The following MAPT variants were observed in gnomAD, a reference collection of about 807,000 sequenced individuals.
MAPT encodes the protein microtubule associated protein tau, also known as microtubule-associated protein tau.
A neutral mutation model predicts 67.9 loss-of-function variants in MAPT; 34 were observed. The ratio of observed to expected loss-of-function variants is 0.50; its 90% CI spans 0.38 to 0.67. MAPT has a LOEUF of 0.67. Ranked by LOEUF, MAPT falls within the 30% of genes least tolerant of loss-of-function variation. The pLI is 0.00. For missense variants in MAPT, 881 were observed against 1,115.2 expected (o/e 0.79, Z 2.99); for synonymous variants, 456 against 464.5 (o/e 0.98, Z 0.23).
chr17:45,901,100 G>A (rs1238496397), intron 1 of MAPT, among the ~76,000 whole-genome samples: 3 of 152,232 alleles, frequency 2.0e-5, no homozygotes, highest in African/African-American at 4.8e-5. Flanking sequence ...CTGGGCAGAA[G>A]TGGATCCTCT....
intron 1 of MAPT, among the ~76,000 whole-genome samples, chr17:45,931,230 G>A (rs1056691582): frequency 8.5e-5 from 13 of 152,104 alleles, no homozygotes; most frequent in South Asian, 2.1e-4. Flanking sequence ...GACACCCAGC[G>A]CTGACCTTTG....
chr17:45,927,141 A>AAGG (rs1319538753), intron 1 of MAPT, among the ~76,000 whole-genome samples: 1 of 152,054 alleles, frequency 6.6e-6, no homozygotes, highest in Non-Finnish European at 1.5e-5. Context: ...AACTTTTCTT[A>AAGG]AGTTTGAAAA....
intron 5 of MAPT, among the ~76,000 whole-genome samples, chr17:45,986,818 C>A (rs1459808335): frequency 6.6e-6 from 1 of 152,210 alleles, no homozygotes; most frequent in Non-Finnish European, 1.5e-5. Flanking sequence ...CCTGCTGCCC[C>A]CTCTTGCCAG....
At chr17:45,950,958 C>G (rs181477952) in intron 1 of MAPT, among the ~76,000 whole-genome samples, 1 of 152,146 alleles carries the variant, frequency 6.6e-6, no homozygotes, top group African/African-American at 2.4e-5. Context: ...CCACCGCACT[C>G]GGCTCCACAC....
At chr17:45,940,734 G>GAC in intron 1 of MAPT, among the ~76,000 whole-genome samples, 1 of 152,222 alleles carries the variant, frequency 6.6e-6, no homozygotes, top group South Asian at 2.1e-4. Context: ...AAGTCTCAGG[G>GAC]ACACAGTTTC....
In MAPT at chr17:46,024,278, G is replaced by A. The variant is rs1176989935; in HGVS notation, c.*107G>A. ...CGCCCTCTGCCCCCAGCTGCTCCTCGCAGTTCGGTTAATTGGTTAATCACT... is the reference window on the plus strand; with the variant it reads ...CGCCCTCTGCCCCCAGCTGCTCCTCACAGTTCGGTTAATTGGTTAATCACT... On this transcript the variant is annotated 3_prime_UTR_variant, in exon 13 of 13. Coordinates refer to ENST00000262410, the MANE Select transcript of MAPT (RefSeq NM_001377265.1). The A allele has an allele frequency of 1.1e-5, 11 of 1,036,460 alleles. No homozygotes were observed. Among genetic ancestry groups the A allele is most frequent in the East Asian group, 2.6e-5 (1 of 38,922 alleles). The allele number at this position is 1,036,460 out of a possible 1,614,324, so 64.2% of individuals were successfully genotyped here. A position where few individuals can be genotyped will look rare whatever the true frequency, so the allele number is the denominator to read the frequency against.
At chr17:45,916,885 CT>C in intron 1 of MAPT, among the ~76,000 whole-genome samples, 1 of 152,348 alleles carries the variant, frequency 6.6e-6, no homozygotes. Context: ...TGTCCTTCCC[CT>C]GCAGATCCCC....
At chr17:46,011,880 A>T (rs544720193) in intron 10 of MAPT, among the ~76,000 whole-genome samples, 11 of 152,274 alleles carry the variant, frequency 7.2e-5, no homozygotes, top group African/African-American at 2.4e-5. Context: ...TGAGTCCCAC[A>T]GGTAGCAAGC....
chr17:46,006,872 G>A (rs1485036306), intron 9 of MAPT, among the ~76,000 whole-genome samples: 3 of 151,564 alleles, frequency 2.0e-5, no homozygotes, highest in Non-Finnish European at 2.9e-5. Flanking sequence ...GCAGTGAGCC[G>A]AGATCGCGCC....
At chr17:46,014,379 C>T in intron 11 of MAPT, 55 bp downstream of exon 11, 2 of 1,250,276 alleles carry the variant, frequency 1.6e-6, no homozygotes, top group Non-Finnish European at 2.4e-6. Context: ...GTGGAGGAGT[C>T]CTGGTGAGGC....
rs117105048 is a variant in MAPT at position 46,016,912 on chromosome 17, A to G, written c.2174-1706A>G. 6.5e-3 allele frequency among the ~76,000 whole-genome samples: 984 copies of G among 152,302 alleles called. 5 individuals carry two copies. The highest frequency in any genetic ancestry group is 0.011 in the Non-Finnish European group (729 of 68,034). ...AACATGGCTGGTACAGTTGAGGAAG[A>G]GTGGCTGCCATATCGGACGACACAG... On this transcript the variant is annotated intron_variant, in intron 11 of 12. Coordinates refer to ENST00000262410, the MANE Select transcript of MAPT (RefSeq NM_001377265.1).
At chr17:45,965,634 T>C (rs1184562419) in intron 2 of MAPT, among the ~76,000 whole-genome samples, 2 of 151,882 alleles carry the variant, frequency 1.3e-5, no homozygotes, top group Non-Finnish European at 2.9e-5. Flanking sequence ...CAGGCTCGTC[T>C]GGGACTCCTG....
intron 9 of MAPT, chr17:45,999,270 A>G: frequency 6.2e-7 from 1 of 1,611,574 alleles, no homozygotes; most frequent in African/African-American, 1.3e-5. Flanking sequence ...GCTGCTCCCT[A>G]GTCTGGGCCA....
intron 1 of MAPT, among the ~76,000 whole-genome samples, chr17:45,926,335 G>T (rs1454339077): frequency 1.3e-5 from 2 of 151,864 alleles, no homozygotes; most frequent in Admixed American, 6.6e-5. Context: ...TTTAGACAGG[G>T]TCTCACTCTG....
rs986368926 is a variant in MAPT at position 45,906,849 on chromosome 17, G to A, written c.-18+12163G>A. ...TCCCTCCACATCCTGGAACAGACCC[G>A]CCAGTTTCTTCCAGGCATTGCCTCA... is the stretch of plus-strand genomic sequence containing the variant. On this transcript the variant is annotated intron_variant, in intron 1 of 12. Transcript: ENST00000262410. This position sits in a 1 kb window ranked among gnomAD's most constrained non-coding sequence, Gnocchi z 4.3. Among the ~76,000 whole-genome samples the A allele has an allele frequency of 1.4e-4, 22 of 152,080 alleles. No individual in the cohort carries two copies. Among genetic ancestry groups the A allele is most frequent in the African/African-American group, 4.1e-4 (17 of 41,404 alleles).
In MAPT at chr17:46,010,239, G is replaced by C. The variant is rs2075731876; in HGVS notation, c.1999-71G>C. 1 of 1,026,034 alleles carries C rather than the reference G, an allele frequency of 9.7e-7. No individual in the cohort carries two copies. Among genetic ancestry groups the C allele is most frequent in the African/African-American group, 1.6e-5 (1 of 62,960 alleles). 63.6% of individuals were successfully genotyped at this position (1,026,034 alleles called of 1,614,324 possible). A position where few individuals can be genotyped will look rare whatever the true frequency, so the allele number is the denominator to read the frequency against. ...TGGCGCATGTCACTCATCGAAAGTG[G>C]AGGCGTCCTTGCGAGCAAGCAGGCG... On this transcript the variant is annotated intron_variant, in intron 9 of 12. Transcript: ENST00000262410. The surrounding 1 kb of genome is among the most constrained non-coding windows in gnomAD (Gnocchi z 4.7).
chr17:45,921,555 T>C (rs1187952146), intron 1 of MAPT, among the ~76,000 whole-genome samples: 1 of 152,264 alleles, frequency 6.6e-6, no homozygotes, highest in Non-Finnish European at 1.5e-5. Flanking sequence ...GGTGCCCCCA[T>C]GCAGGGTGGC....
At chr17:45,986,984 T>C in intron 5 of MAPT, 56 bp from the exon 6 acceptor site, 1 of 1,508,792 alleles carries the variant, frequency 6.6e-7, no homozygotes, top group Non-Finnish European at 9.2e-7. Context: ...ACAGCTGGCT[T>C]TCTGTGAACA....
rs1013024636 is a variant in MAPT, at chr17:45,906,760, C to T, written c.-18+12074C>T. 7.2e-5 allele frequency among the ~76,000 whole-genome samples: 11 copies of T among 152,052 alleles called. No individual in the cohort carries two copies. Among genetic ancestry groups the T allele is most frequent in the African/African-American group, 1.7e-4 (7 of 41,386 alleles). ...CCATTACCACCTGGTCTGTGCACTT[C>T]GGTCACTGGAATTTGCCATCTTCCA... On this transcript the variant is annotated intron_variant, in intron 1 of 12. Coordinates refer to ENST00000262410, the MANE Select transcript of MAPT (RefSeq NM_001377265.1). The surrounding 1 kb of genome is among the most constrained non-coding windows in gnomAD (Gnocchi z 4.3).
Sources: gnomAD v4.1 joint callset for allele counts (sites outside exome capture counted in the v4.1 genomes callset) on GRCh38, gnomAD v4.1.1 for gene constraint, Gnocchi (gnomAD v3.1) non-coding constraint, MANE v1.5 for transcripts, NCBI Gene and HGNC (gene_info 2026-07-23, HGNC 2026-07-21) for gene names.